The following ELAC2 variants were observed in gnomAD, a reference collection of about 807,000 sequenced individuals.
The protein encoded by ELAC2 is elaC ribonuclease Z 2, also known as zinc phosphodiesterase ELAC protein 2.
In ELAC2, 92 loss-of-function variants were observed where a neutral mutation model predicts 105.2. The ratio of observed to expected loss-of-function variants is 0.87; its 90% CI spans 0.74 to 1.04. The LOEUF (loss-of-function observed/expected upper bound fraction) is 1.04. Ranked by LOEUF, ELAC2 falls within the 50% of genes least tolerant of loss-of-function variation. The probability of loss-of-function intolerance (pLI) is 0.00; values close to 1 mark genes in which losing one functional copy is unlikely to be tolerated. For synonymous variants in ELAC2, 468 were observed against 409.1 expected, an observed-to-expected ratio of 1.14 and a Z score of -1.74; for missense variants, 1,099 against 1,071.7, an observed-to-expected ratio of 1.03 and a Z score of -0.36.
At chr17:13,002,173 T>C in intron 14 of ELAC2, 101 bp downstream of exon 14, 1 of 1,247,378 alleles carries the variant, frequency 8.0e-7, no homozygotes, top group Non-Finnish European at 1.1e-6. Flanking sequence ...ACAGAGACCA[T>C]ATGGTCTGGA....
rs1187954440 is a variant in ELAC2 at position 12,992,876 on chromosome 17, G to A, written c.2423C>T (p.Pro808Leu). The change falls in exon 24 of 24, where the codon CCT becomes CTT. Residue 808 changes from proline (P) to leucine (L), a missense_variant. Coordinates refer to ENST00000338034, the MANE Select transcript of ELAC2 (RefSeq NM_018127.7). ...ELAGGLEDGE[P>L]QQKRAHTEEP... ...CTCTGTGTGGGCCCGCTTCTGCTGAGGCTCCCCATCCTCCAGGCCGCCTGC... is the reference window on the plus strand; with the variant it reads ...CTCTGTGTGGGCCCGCTTCTGCTGAAGCTCCCCATCCTCCAGGCCGCCTGC... The A allele has an allele frequency of 6.2e-6, 10 of 1,605,218 alleles. No homozygotes were observed. The highest frequency in any genetic ancestry group is 8.5e-6 in the Non-Finnish European group (10 of 1,173,208).
At chr17:12,995,347 G>A (rs1249574449) in intron 19 of ELAC2, among the ~76,000 whole-genome samples, 1 of 152,214 alleles carries the variant, frequency 6.6e-6, no homozygotes, top group African/African-American at 2.4e-5. Flanking sequence ...TGAGGATGGT[G>A]CCACCTGCCA....
intron 4 of ELAC2, among the ~76,000 whole-genome samples, chr17:13,015,496 A>G (rs990560986): frequency 6.6e-5 from 10 of 152,260 alleles, no homozygotes; most frequent in Admixed American, 5.9e-4. Context: ...TTAGTGCTTT[A>G]TATGTGCTGC....
chr17:13,010,173 C>G (rs62058145), intron 8 of ELAC2, among the ~76,000 whole-genome samples: 1 of 140,680 alleles, frequency 7.1e-6, no homozygotes, highest in Non-Finnish European at 1.6e-5. Context: ...TCATTTCTAT[C>G]GAATTTTTTT....
intron 8 of ELAC2, 34 bp from the exon 9 acceptor site, chr17:13,006,013 G>A (rs773329595): frequency 5.0e-6 from 8 of 1,596,150 alleles, no homozygotes; most frequent in Non-Finnish European, 6.0e-6. Flanking sequence ...TGATCTTAGG[G>A]GCTAATGAAG....
rs1567735821 is a variant in ELAC2, at chr17:12,992,144, TTGATTG to T, written c.*668_*673del. 6.7e-6 allele frequency among the ~76,000 whole-genome samples: 1 copy of T among 150,124 alleles called. No individual in the cohort carries two copies. The highest frequency in any genetic ancestry group is 6.6e-5 in the Admixed American group (1 of 15,164). On this transcript the variant is annotated 3_prime_UTR_variant, in exon 24 of 24. Coordinates refer to ENST00000338034, the MANE Select transcript of ELAC2 (RefSeq NM_018127.7). ...CTGATTGATTTGATTGATTGATTGA[TTGATTG>T]ATAGAGAAAGCACGCCCTGCTGTGA...
chr17:13,010,743 C>A lies in ELAC2; in HGVS notation c.680-72G>T, dbSNP rs1598258753. 1.1e-5 allele frequency: 15 copies of A among 1,346,992 alleles called. No homozygotes were observed. The East Asian group carries it at 3.5e-4, about 31-fold the overall frequency. 83.4% of individuals were successfully genotyped at this position (1,346,992 alleles called of 1,614,324 possible). On this transcript the variant is annotated intron_variant, in intron 7 of 23. Transcript: ENST00000338034. ...TGAAGACATCACAGACTGATTATGA[C>A]CCGATACCTAATTTCACTTCACATA...
rs2040197653 is a variant in ELAC2, at chr17:12,992,061, G to C, written c.*757C>G. Among the ~76,000 whole-genome samples, 1 of 152,184 alleles carries C rather than the reference G, an allele frequency of 6.6e-6. No homozygotes were observed. The highest frequency in any genetic ancestry group is 1.9e-4 in the East Asian group (1 of 5,196). On this transcript the variant is annotated 3_prime_UTR_variant, in exon 24 of 24. Coordinates refer to ENST00000338034, the MANE Select transcript of ELAC2 (RefSeq NM_018127.7). ...AATCTATTGTCTCCACTTTTACCCA[G>C]AACCACCAGAAGACTTGCATTTCCC...
intron 8 of ELAC2, among the ~76,000 whole-genome samples, chr17:13,007,254 A>T (rs1434032414): frequency 1.3e-5 from 2 of 152,244 alleles, no homozygotes; most frequent in African/African-American, 2.4e-5. Context: ...AATGACATGT[A>T]GGCCTTTGAG....
At chr17:13,004,234 C>T (rs1343657634) in intron 11 of ELAC2, 3 of 156,440 alleles carry the variant, frequency 1.9e-5, no homozygotes, top group Non-Finnish European at 4.2e-5. Context: ...AATACAAAGC[C>T]GGGGCTACCA....
intron 14 of ELAC2, among the ~76,000 whole-genome samples, chr17:13,001,473 C>A (rs1218572009): frequency 1.3e-5 from 2 of 151,872 alleles, no homozygotes; most frequent in African/African-American, 2.4e-5. Flanking sequence ...GCCTGGGCAA[C>A]AAGAGTGAAA....
intron 1 of ELAC2, 181 bp from the exon 2 acceptor site, chr17:13,017,302 G>A (rs2041793252): frequency 4.3e-6 from 3 of 696,786 alleles, no homozygotes; most frequent in Non-Finnish European, 7.4e-6. Context: ...AGCAGAGGTG[G>A]AGAGGAGTGG....
At position 13,017,123 on chromosome 17, in the gene ELAC2, T is replaced by C. The variant is rs2143692659; in HGVS notation, c.246-2A>G. 1.2e-6 allele frequency: 2 copies of C among 1,613,180 alleles called. No individual in the cohort carries two copies. Among genetic ancestry groups the C allele is most frequent in the African/African-American group, 1.3e-5 (1 of 74,808 alleles). ...CCTTCTCCACAGTTGAAGAGATACC[T>C]ACAAGACAAACATTACACAAGACAT... is the stretch of plus-strand genomic sequence containing the variant. On this transcript the variant is annotated splice_acceptor_variant, in intron 1 of 23. Transcript: ENST00000338034. LOFTEE classifies it high-confidence loss of function.
At position 13,000,241 on chromosome 17, in the gene ELAC2, G is replaced by C; in HGVS notation, c.1338C>G (p.Phe446Leu). 6.2e-7 allele frequency: 1 copy of C among 1,614,144 alleles called. No homozygotes were observed. Among genetic ancestry groups the C allele is most frequent in the South Asian group, 1.1e-5 (1 of 91,082 alleles). The change falls in exon 15 of 24, where the codon TTC becomes TTG. Residue 446 changes from phenylalanine (F) to leucine (L), a missense_variant. Phe to Leu is a conservative substitution (Grantham distance 22). Coordinates refer to ENST00000338034, the MANE Select transcript of ELAC2 (RefSeq NM_018127.7). ...TGGGAAGCTGCAGCGCCTCAACTAT[G>C]AATTCCTCAGGATTGCAAGTAATAA... is the stretch of plus-strand genomic sequence containing the variant. ...DAIITCNPEE[F>L]IVEALQLPNF...
chr17:12,992,463 T>C lies in ELAC2; in HGVS notation c.*355A>G. 2.3e-6 allele frequency: 1 copy of C among 435,360 alleles called. No homozygotes were observed. Among genetic ancestry groups the C allele is most frequent in the South Asian group, 2.5e-5 (1 of 39,770 alleles). The allele number at this position is 435,360 out of a possible 1,614,324, so 27.0% of individuals were successfully genotyped here. ...CTCGGACACTTAGACCCACTGATCC[T>C]GTTACTCTGCTTGTCTCTGGTGTGC... is the stretch of plus-strand genomic sequence containing the variant. On this transcript the variant is annotated 3_prime_UTR_variant, in exon 24 of 24. Coordinates refer to ENST00000338034, the MANE Select transcript of ELAC2 (RefSeq NM_018127.7).
rs1403551271 is a variant in ELAC2 at position 12,994,602 on chromosome 17, T to G, written c.2030-99A>C. 11 of 1,593,626 alleles carry G rather than the reference T, an allele frequency of 6.9e-6. No individual in the cohort carries two copies. The Admixed American group carries it at 1.2e-4, about 17-fold the overall frequency. ...TCCTGGTCTCAACACTCAGCTCCCC[T>G]GGCCCTGGGTCTGCCTACTAGGATG... On this transcript the variant is annotated intron_variant, in intron 21 of 23. Coordinates refer to ENST00000338034, the MANE Select transcript of ELAC2 (RefSeq NM_018127.7).
chr17:13,012,248 A>G (rs557091165), intron 6 of ELAC2, among the ~76,000 whole-genome samples: 14 of 152,374 alleles, frequency 9.2e-5, no homozygotes, highest in Admixed American at 7.2e-4. Context: ...CTGAAAAAAC[A>G]GTGATCGGCA....
At chr17:13,016,798 G>T in intron 3 of ELAC2, 64 bp downstream of exon 3, 6 of 1,485,070 alleles carry the variant, frequency 4.0e-6, no homozygotes, top group Non-Finnish European at 5.6e-6. Flanking sequence ...TGGAAAAATG[G>T]TAAAGCCGGT....
chr17:13,017,584 C>G (rs2041815778), intron 1 of ELAC2, 119 bp downstream of exon 1: 5 of 1,540,836 alleles, frequency 3.2e-6, no homozygotes, highest in Admixed American at 3.8e-5. Flanking sequence ...CCACGAACCC[C>G]CGCAACAGTG....
Sources: gnomAD v4.1 joint callset for allele counts (sites outside exome capture counted in the v4.1 genomes callset) on GRCh38, gnomAD v4.1.1 for gene constraint, MANE v1.5 for transcripts, NCBI Gene and HGNC (gene_info 2026-07-23, HGNC 2026-07-21) for gene names.